Variants in UGT1A9 observed in about 807,000 individuals in gnomAD.
UGT1A9 encodes the protein UDP glucuronosyltransferase family 1 member A9, also known as UDP-glucuronosyltransferase 1A9.
Under a neutral mutation model 45.0 loss-of-function variants are expected in UGT1A9, and 35 were observed. The observed-to-expected ratio is 0.78, with a 90% CI of 0.59 to 1.03. The LOEUF (loss-of-function observed/expected upper bound fraction) is 1.03, where lower values mean the gene tolerates loss of function less well. Ranked by LOEUF, UGT1A9 falls within the 50% of genes least tolerant of loss-of-function variation. UGT1A9 has a pLI of 0.00. For synonymous variants in UGT1A9, 278 were observed against 250.6 expected (o/e 1.11, Z -1.03); for missense variants, 687 against 666.6 (o/e 1.03, Z -0.34).
intron 1 of UGT1A9, among the ~76,000 whole-genome samples, chr2:233,762,777 G>A (rs1698161345): frequency 6.7e-6 from 1 of 149,832 alleles, no homozygotes; most frequent in Non-Finnish European, 1.5e-5. Flanking sequence ...ATCTCTAGCT[G>A]ATTATCTACT....
chr2:233,720,111 A>T (rs375337580), intron 1 of UGT1A9, among the ~76,000 whole-genome samples: 1 of 152,208 alleles, frequency 6.6e-6, no homozygotes, highest in African/African-American at 2.4e-5. Context: ...ATCTTGCGAA[A>T]GATACAGAGG....
At position 233,671,916 on chromosome 2, in the gene UGT1A9, T is replaced by C; in HGVS notation, c.-19T>C. On this transcript the variant is annotated 5_prime_UTR_variant, in exon 1 of 5. Transcript: ENST00000354728. The stretch of plus-strand genomic sequence containing the variant: ...GGAGCTTAGATTCCCAGCTGCTTGC[T>C]CTCAGCTGCAGTTCTCTGATGGCTT... 6.3e-7 allele frequency: 1 copy of C among 1,587,544 alleles called. No individual in the cohort carries two copies.
intron 1 of UGT1A9, among the ~76,000 whole-genome samples, chr2:233,703,357 C>G (rs1254530363): frequency 2.0e-5 from 3 of 151,876 alleles, no homozygotes; most frequent in South Asian, 4.1e-4. Context: ...GTTAATCTAA[C>G]TTTAGGTTTA....
At chr2:233,759,117 T>G (rs1697059369) in intron 1 of UGT1A9, among the ~76,000 whole-genome samples, 2 of 152,238 alleles carry the variant, frequency 1.3e-5, no homozygotes, top group African/African-American at 4.8e-5. Flanking sequence ...ACCAGGGAGT[T>G]ACAGCCTCTG....
chr2:233,731,569 A>G (rs1225013175), intron 1 of UGT1A9, among the ~76,000 whole-genome samples: 1 of 152,190 alleles, frequency 6.6e-6, no homozygotes, highest in African/African-American at 2.4e-5. Context: ...TTTGCTGAGA[A>G]TGATGGTTTA....
At chr2:233,724,302 T>A (rs1575551867) in intron 1 of UGT1A9, among the ~76,000 whole-genome samples, 11 of 123,398 alleles carry the variant, frequency 8.9e-5, no homozygotes, top group South Asian at 6.0e-4. Context: ...CCCCCCCACC[T>A]CCCTCCCGGA....
chr2:233,721,754 C>A, intron 1 of UGT1A9: 1 of 457,794 alleles, frequency 2.2e-6, no homozygotes, highest in South Asian at 1.6e-5. Context: ...GAATCTACAT[C>A]TAAATTGTTA....
At chr2:233,711,035 C>T (rs1430661995) in intron 1 of UGT1A9, among the ~76,000 whole-genome samples, 1 of 152,156 alleles carries the variant, frequency 6.6e-6, no homozygotes, top group East Asian at 1.9e-4. Context: ...TCTGGGGTGA[C>T]CTCACTGACA....
chr2:233,687,359 T>A (rs746779775), intron 1 of UGT1A9, among the ~76,000 whole-genome samples: 3 of 152,136 alleles, frequency 2.0e-5, no homozygotes, highest in Non-Finnish European at 4.4e-5. Flanking sequence ...ATGGGTGGAC[T>A]GTCTCCTTAG....
intron 1 of UGT1A9, among the ~76,000 whole-genome samples, chr2:233,675,660 T>C (rs2602380): frequency 0.62 from 93,620 of 152,006 alleles, 29,083 homozygotes; most frequent in South Asian, 0.65. Context: ...ACATACACAA[T>C]GGAGAGACTC....
At chr2:233,690,034 C>T (rs768165230) in intron 1 of UGT1A9, 2 of 419,920 alleles carry the variant, frequency 4.8e-6, no homozygotes, top group Non-Finnish European at 9.4e-6. Flanking sequence ...AAGATCTGGG[C>T]CCAGAGCATT....
intron 1 of UGT1A9, chr2:233,719,247 G>A: frequency 1.2e-6 from 2 of 1,614,186 alleles, no homozygotes. Context: ...GCACCTGAAT[G>A]CTACTTCCTT....
chr2:233,679,237 G>A (rs1025711851), intron 1 of UGT1A9, among the ~76,000 whole-genome samples: 1 of 152,166 alleles, frequency 6.6e-6, no homozygotes, highest in Non-Finnish European at 1.5e-5. Context: ...GTCCAATATC[G>A]AAAGAACTTT....
intron 1 of UGT1A9, among the ~76,000 whole-genome samples, chr2:233,762,294 C>T (rs867302636): frequency 2.0e-5 from 3 of 152,346 alleles, no homozygotes; most frequent in Middle Eastern, 3.4e-3. Flanking sequence ...AAGGTGCCAA[C>T]CGAGGTCTAG....
chr2:233,678,990 A>G (rs914113792), intron 1 of UGT1A9, among the ~76,000 whole-genome samples: 2 of 152,218 alleles, frequency 1.3e-5, no homozygotes, highest in Non-Finnish European at 2.9e-5. Context: ...AGCTCTTTCT[A>G]TAATAACAGT....
At chr2:233,688,035 C>A (rs2074875493) in intron 1 of UGT1A9, among the ~76,000 whole-genome samples, 2 of 152,198 alleles carry the variant, frequency 1.3e-5, no homozygotes, top group Admixed American at 1.3e-4. Context: ...ATATCTAATT[C>A]CAGATCATTT....
At chr2:233,721,208 T>A (rs1235207261) in intron 1 of UGT1A9, among the ~76,000 whole-genome samples, 1 of 152,250 alleles carries the variant, frequency 6.6e-6, no homozygotes, top group Non-Finnish European at 1.5e-5. Context: ...ACTGGTTTTC[T>A]TTTCCCCTTA....
intron 1 of UGT1A9, among the ~76,000 whole-genome samples, chr2:233,716,751 G>C (rs900841882): frequency 3.9e-5 from 6 of 152,184 alleles, no homozygotes; most frequent in African/African-American, 1.4e-4. Context: ...GATTGGGAGA[G>C]GGGAGCTAGA....
At chr2:233,706,455 T>A (rs1417577264) in intron 1 of UGT1A9, among the ~76,000 whole-genome samples, 1 of 152,244 alleles carries the variant, frequency 6.6e-6, no homozygotes, top group East Asian at 1.9e-4. Context: ...AAATGACCAT[T>A]GAGGTTTCAC....
Sources: gnomAD v4.1 joint callset for allele counts (sites outside exome capture counted in the v4.1 genomes callset) on GRCh38, gnomAD v4.1.1 for gene constraint, MANE v1.5 for transcripts, NCBI Gene and HGNC (gene_info 2026-07-23, HGNC 2026-07-21) for gene names.